GRM7: variants seen among roughly 807,000 people sequenced by gnomAD.
The protein encoded by GRM7 is glutamate metabotropic receptor 7, also known as metabotropic glutamate receptor 7.
GRM7 carries 35 observed loss-of-function variants against 84.5 expected under a neutral mutation model. The ratio of observed to expected loss-of-function variants is 0.41; its 90% CI spans 0.32 to 0.55. The LOEUF (loss-of-function observed/expected upper bound fraction) is 0.55. GRM7 is among the 20% of genes least tolerant of loss of function. The pLI, the probability that GRM7 is intolerant of heterozygous loss-of-function variation, is 0.19. For synonymous variants in GRM7, 487 were observed against 455.1 expected (o/e 1.07, Z -0.89); for missense variants, 1,003 against 1,194.6 (o/e 0.84, Z 2.36).
intron 7 of GRM7, among the ~76,000 whole-genome samples, chr3:7,568,351 GT>G (rs1363550933): frequency 6.6e-6 from 1 of 152,250 alleles, no homozygotes; most frequent in Non-Finnish European, 1.5e-5. Flanking sequence ...ACACTTCCAC[GT>G]GGCTGAGGAG....
At chr3:7,529,512 C>T (rs922043245) in intron 7 of GRM7, among the ~76,000 whole-genome samples, 3 of 152,088 alleles carry the variant, frequency 2.0e-5, no homozygotes, top group African/African-American at 7.2e-5. Context: ...AAGAGTAGAA[C>T]TATTGGGTCA....
intron 4 of GRM7, among the ~76,000 whole-genome samples, chr3:7,357,237 A>G (rs918218202): frequency 6.6e-6 from 1 of 152,116 alleles, no homozygotes; most frequent in African/African-American, 2.4e-5. Flanking sequence ...CTTCAAAAAA[A>G]ACAAAAAAGT....
intron 1 of GRM7, among the ~76,000 whole-genome samples, chr3:6,917,237 T>C (rs1696972025): frequency 1.3e-5 from 2 of 152,156 alleles, no homozygotes. Flanking sequence ...ATTGTAGTTA[T>C]ATGGTATTGT....
At chr3:7,684,398 T>C (rs9873967) in intron 9 of GRM7, among the ~76,000 whole-genome samples, 2,379 of 152,262 alleles carry the variant, frequency 0.016, 62 homozygotes, top group African/African-American at 0.053. Context: ...ACAAAGTAAA[T>C]AGTGGAACAG....
At chr3:6,869,628 A>G (rs1473201997) in intron 1 of GRM7, among the ~76,000 whole-genome samples, 2 of 103,916 alleles carry the variant, frequency 1.9e-5, no homozygotes, top group Non-Finnish European at 4.2e-5. Flanking sequence ...GAAAGAGCAA[A>G]AGAGAGAACA....
chr3:7,204,619 G>T (rs1421202768), intron 2 of GRM7, among the ~76,000 whole-genome samples: 1 of 152,172 alleles, frequency 6.6e-6, no homozygotes, highest in Non-Finnish European at 1.5e-5. Flanking sequence ...AGAAATGAGT[G>T]CTAGGTGGGC....
intron 2 of GRM7, among the ~76,000 whole-genome samples, chr3:7,276,805 T>TCCTTCCTTCCTCCCTCCCTCCC (rs1699086677): frequency 7.4e-4 from 1 of 1,346 alleles, no homozygotes; most frequent in African/African-American, 8.7e-4. Flanking sequence ...CTTCCTTCCT[T>TCCTTCCTTCCTCCCTCCCTCCC]TTTGGTGGTG....
At chr3:7,694,878 T>G (rs907514144) in intron 9 of GRM7, among the ~76,000 whole-genome samples, 1 of 152,140 alleles carries the variant, frequency 6.6e-6, no homozygotes, top group African/African-American at 2.4e-5. Context: ...AATCATTTGT[T>G]CCCCTAACCT....
At chr3:7,083,544 A>G (rs1159854981) in intron 1 of GRM7, among the ~76,000 whole-genome samples, 1 of 152,108 alleles carries the variant, frequency 6.6e-6, no homozygotes, top group African/African-American at 2.4e-5. Context: ...TTCCTGATAA[A>G]GAAACACAGT....
chr3:7,045,208 C>T (rs1420944432), intron 1 of GRM7, among the ~76,000 whole-genome samples: 2 of 152,126 alleles, frequency 1.3e-5, no homozygotes, highest in Non-Finnish European at 2.9e-5. Context: ...CATGGTATAA[C>T]ATTAAAGTGT....
At chr3:6,979,916 T>C (rs1694133014) in intron 1 of GRM7, among the ~76,000 whole-genome samples, 1 of 152,170 alleles carries the variant, frequency 6.6e-6, no homozygotes, top group South Asian at 2.1e-4. Context: ...TATATACTGA[T>C]GTGTATGTCA....
At chr3:7,425,246 C>T (rs1305242887) in intron 5 of GRM7, among the ~76,000 whole-genome samples, 1 of 152,112 alleles carries the variant, frequency 6.6e-6, no homozygotes, top group Non-Finnish European at 1.5e-5. Flanking sequence ...AGTGAGCTGA[C>T]CTTGTTTCTT....
chr3:6,961,994 AAAGAAAT>A (rs1693320141), intron 1 of GRM7, among the ~76,000 whole-genome samples: 1 of 148,018 alleles, frequency 6.8e-6, no homozygotes, highest in Admixed American at 6.6e-5. Flanking sequence ...AAACTCCTTG[AAAGAAAT>A]AGTCCAAACT....
intron 1 of GRM7, among the ~76,000 whole-genome samples, chr3:6,927,777 A>G (rs1395539932): frequency 6.6e-6 from 1 of 152,092 alleles, no homozygotes; most frequent in Non-Finnish European, 1.5e-5. Flanking sequence ...TTCCCATATG[A>G]TCTAGTGTTC....
intron 8 of GRM7, among the ~76,000 whole-genome samples, chr3:7,623,729 T>G (rs1029868056): frequency 1.3e-5 from 2 of 152,130 alleles, no homozygotes; most frequent in Non-Finnish European, 2.9e-5. Flanking sequence ...GTTATCAACT[T>G]GCCAGCATAA....
At chr3:7,308,046 C>T (rs1700255972) in intron 4 of GRM7, among the ~76,000 whole-genome samples, 1 of 152,088 alleles carries the variant, frequency 6.6e-6, no homozygotes, top group Non-Finnish European at 1.5e-5. Flanking sequence ...TGAAAGTTCC[C>T]TCAGAGATAC....
chr3:7,550,567 C>G (rs932633528), intron 7 of GRM7, among the ~76,000 whole-genome samples: 3 of 101,868 alleles, frequency 2.9e-5, no homozygotes, highest in African/African-American at 9.5e-5. Context: ...CTCTCTCTCT[C>G]TCTCTCTCTC....
rs547049198 is a variant in GRM7, at chr3:7,696,865, G to A, written c.2698+16570G>A. Among the ~76,000 whole-genome samples the A allele has an allele frequency of 1.2e-3, 182 of 152,296 alleles. No homozygotes were observed. The Middle Eastern group carries it at 0.017, about 14-fold the overall frequency. The stretch of plus-strand genomic sequence containing the variant: ...TACATTAGCTAGAGGAGTTTCTGCT[G>A]TCAATTTATATATTGGGAGAGCTTT... On this transcript the variant is annotated intron_variant, in intron 9 of 9. Coordinates refer to ENST00000357716, the MANE Select transcript of GRM7 (RefSeq NM_000844.4).
At chr3:6,883,069 A>G (rs945700351) in intron 1 of GRM7, among the ~76,000 whole-genome samples, 7 of 152,142 alleles carry the variant, frequency 4.6e-5, no homozygotes, top group Non-Finnish European at 7.4e-5. Context: ...TCTCTACAGT[A>G]CCAGCATTAG....
Sources: gnomAD v4.1 joint callset for allele counts (sites outside exome capture counted in the v4.1 genomes callset) on GRCh38, gnomAD v4.1.1 for gene constraint, MANE v1.5 for transcripts, NCBI Gene and HGNC (gene_info 2026-07-23, HGNC 2026-07-21) for gene names.